CAND1: variants seen among roughly 807,000 people sequenced by gnomAD.
CAND1 encodes the protein cullin associated and neddylation dissociated 1.
A neutral mutation model predicts 108.5 loss-of-function variants in CAND1; 7 were observed. That is an observed-to-expected ratio of 0.06 (90% CI 0.04 to 0.12). The LOEUF is 0.12. Ranked by LOEUF, CAND1 falls within the 10% of genes least tolerant of loss-of-function variation. The pLI is 1.00. For missense variants in CAND1, 941 were observed against 1,448.7 expected, an observed-to-expected ratio of 0.65 and a Z score of 5.69; for synonymous variants, 534 against 512.0, an observed-to-expected ratio of 1.04 and a Z score of -0.58.
At chr12:67,287,816 TATTC>T (rs2044685570) in intron 2 of CAND1, among the ~76,000 whole-genome samples, 2 of 151,720 alleles carry the variant, frequency 1.3e-5, no homozygotes, top group South Asian at 2.1e-4. Context: ...AATTTGGGTA[TATTC>T]ATTATTCAGT....
Position 67,317,423 on chromosome 12 carries a change from T to C in CAND1, c.*4593T>C, listed in dbSNP as rs1328202802. On this transcript the variant is annotated 3_prime_UTR_variant, in exon 15 of 15. Coordinates refer to ENST00000545606, the MANE Select transcript of CAND1 (RefSeq NM_018448.5). ...TGCTGAGATTATTGCAAGTGCCTCC[T>C]TGCCCAGCCACATGTTGTTGATTTC... is the stretch of plus-strand genomic sequence containing the variant. 6.6e-6 allele frequency: 1 copy of C among 152,106 alleles called. No homozygotes were observed. Among genetic ancestry groups the C allele is most frequent in the Non-Finnish European group, 1.5e-5 (1 of 68,072 alleles). The allele number at this position is 152,106 out of a possible 1,614,324, so 9.4% of individuals were successfully genotyped here.
rs2045038379 is a variant in CAND1 at position 67,319,367 on chromosome 12, T to A, written c.*6537T>A. ...TTGCTCAAGGTCAAGTTATGCCTTT[T>A]GCCTGGAATGACTTGACTTCTCTTT... is the stretch of plus-strand genomic sequence containing the variant. On this transcript the variant is annotated 3_prime_UTR_variant, in exon 15 of 15. Transcript: ENST00000545606. 1 of 152,228 alleles carries A rather than the reference T, an allele frequency of 6.6e-6. No homozygotes were observed. Among genetic ancestry groups the A allele is most frequent in the Non-Finnish European group, 1.5e-5 (1 of 68,044 alleles). The allele number at this position is 152,228 out of a possible 1,614,324, so 9.4% of individuals were successfully genotyped here. A position where few individuals can be genotyped will look rare whatever the true frequency, so the allele number is the denominator to read the frequency against.
intron 1 of CAND1, among the ~76,000 whole-genome samples, chr12:67,280,895 C>A (rs775659): frequency 0.81 from 123,178 of 151,782 alleles, 50,361 homozygotes; most frequent in African/African-American, 0.91. Context: ...GGGAGGTGGG[C>A]GATGTCAGGG....
At chr12:67,289,945 T>C (rs2136002690) in intron 2 of CAND1, among the ~76,000 whole-genome samples, 1 of 152,320 alleles carries the variant, frequency 6.6e-6, no homozygotes, top group East Asian at 1.9e-4. Context: ...TGAGCATTTA[T>C]CAAATTAAAT....
At chr12:67,307,908 A>AT (rs1479865995) in intron 11 of CAND1, among the ~76,000 whole-genome samples, 1 of 152,008 alleles carries the variant, frequency 6.6e-6, no homozygotes, top group African/African-American at 2.4e-5. Flanking sequence ...AAGGAGATCT[A>AT]TGGAGATTTC....
Position 67,312,972 on chromosome 12 carries a change from G to A in CAND1, c.*142G>A. On this transcript the variant is annotated 3_prime_UTR_variant, in exon 15 of 15. Transcript: ENST00000545606. ...TTCCTTCATGGAGACTGTTTGTTTG[G>A]CTTTCTTCCATTGTTGTTTTTGTAG... 1 of 529,880 alleles carries A rather than the reference G, an allele frequency of 1.9e-6. No individual in the cohort carries two copies. The highest frequency in any genetic ancestry group is 3.3e-6 in the Non-Finnish European group (1 of 304,576). 32.8% of individuals were successfully genotyped at this position (529,880 alleles called of 1,614,324 possible).
intron 11 of CAND1, among the ~76,000 whole-genome samples, chr12:67,308,179 A>T (rs2044908840): frequency 6.6e-6 from 1 of 152,076 alleles, no homozygotes; most frequent in South Asian, 2.1e-4. Context: ...TAATGGAGAT[A>T]ACCATCAGGG....
At chr12:67,312,462 T>C (rs973362966) in intron 14 of CAND1, 144 bp from the exon 15 acceptor site, 42 of 498,558 alleles carry the variant, frequency 8.4e-5, no homozygotes, top group Non-Finnish European at 1.3e-4. Context: ...TAAAAATAAG[T>C]TTAAAAACAG....
In CAND1 at chr12:67,274,701, C is replaced by G. The variant is rs76890541; in HGVS notation, c.68+4916C>G. 3.7e-3 allele frequency among the ~76,000 whole-genome samples: 559 copies of G among 152,120 alleles called. 2 individuals are homozygous for G. The highest frequency in any genetic ancestry group is 5.8e-3 in the Non-Finnish European group (393 of 67,990). ...ATAGAATCTTCTTAAAATAATTCAC[C>G]CCATTTTGGAATGCAAGTTTTTCCC... On this transcript the variant is annotated intron_variant, in intron 1 of 14. Transcript: ENST00000545606.
At chr12:67,303,498 A>G (rs1241892417) in intron 8 of CAND1, among the ~76,000 whole-genome samples, 2 of 152,248 alleles carry the variant, frequency 1.3e-5, no homozygotes, top group African/African-American at 2.4e-5. Flanking sequence ...GGTATTGCTC[A>G]GTAGAGTTGC....
intron 11 of CAND1, among the ~76,000 whole-genome samples, chr12:67,307,922 A>G (rs2044905531): frequency 6.6e-6 from 1 of 152,026 alleles, no homozygotes; most frequent in African/African-American, 2.4e-5. Flanking sequence ...AGATTTCCAT[A>G]TTTAAGGTCA....
intron 6 of CAND1, among the ~76,000 whole-genome samples, chr12:67,298,581 C>A (rs538339465): frequency 2.6e-5 from 4 of 152,256 alleles, no homozygotes; most frequent in Admixed American, 2.0e-4. Flanking sequence ...AAGACCAAGC[C>A]TAGGTGAATA....
In CAND1 at chr12:67,318,850, T is replaced by G. The variant is rs945639859; in HGVS notation, c.*6020T>G. 3 of 152,110 alleles carry G rather than the reference T, an allele frequency of 2.0e-5. No homozygotes were observed. The highest frequency in any genetic ancestry group is 2.9e-5 in the Non-Finnish European group (2 of 68,034). The allele number at this position is 152,110 out of a possible 1,614,324, so 9.4% of individuals were successfully genotyped here. ...ACACGGGATACTGGGGGTTAATAAT[T>G]GAGGGTATGGTCCATTCAACATGAG... On this transcript the variant is annotated 3_prime_UTR_variant, in exon 15 of 15. Transcript: ENST00000545606.
rs781412589 is a variant in CAND1 at position 67,304,726 on chromosome 12, A to G, written c.1415A>G (p.His472Arg). Residue 472 changes from histidine (H) to arginine (R), a missense_variant, in exon 9 of 15, where the codon CAC (histidine) becomes CGC (arginine). This residue lies in a region of CAND1 where 697 missense variants were observed against 942.0 expected (regional missense o/e 0.74). Coordinates refer to ENST00000545606, the MANE Select transcript of CAND1 (RefSeq NM_018448.5). ...GTATTACCTGGGGCCCTAACTCAAC[A>G]CATTCCTGTACTTGTACCAGGTATG... ...VNVLPGALTQHIPVLVPGIIF... is the reference protein window; with the variant it reads ...VNVLPGALTQRIPVLVPGIIF... 1 of 1,613,570 alleles carries G rather than the reference A, an allele frequency of 6.2e-7. No homozygotes were observed.
chr12:67,312,536 T>C (rs1328548010), intron 14 of CAND1, 70 bp from the exon 15 acceptor site: 11 of 946,914 alleles, frequency 1.2e-5, no homozygotes, highest in East Asian at 2.6e-5. Context: ...GAAGATCTTA[T>C]GTGCTTAAAT....
intron 2 of CAND1, 45 bp from the exon 3 acceptor site, chr12:67,292,577 G>A (rs73320740): frequency 2.1e-6 from 3 of 1,453,096 alleles, no homozygotes; most frequent in Non-Finnish European, 2.8e-6. Flanking sequence ...TCCTGTTTTT[G>A]TGCTTATCTA....
At chr12:67,278,675 C>T (rs548047351) in intron 1 of CAND1, among the ~76,000 whole-genome samples, 58 of 152,008 alleles carry the variant, frequency 3.8e-4, no homozygotes, top group African/African-American at 1.3e-3. Flanking sequence ...TACACCACCA[C>T]ACCCAGCTAA....
At chr12:67,299,698 G>A (rs568975502) in intron 7 of CAND1, among the ~76,000 whole-genome samples, 8 of 152,144 alleles carry the variant, frequency 5.3e-5, no homozygotes, top group African/African-American at 1.9e-4. Context: ...GTAATCACAC[G>A]ATGATTTATG....
At chr12:67,303,760 G>A (rs889664165) in intron 8 of CAND1, among the ~76,000 whole-genome samples, 1 of 152,088 alleles carries the variant, frequency 6.6e-6, no homozygotes, top group Non-Finnish European at 1.5e-5. Context: ...GAAGTTTAGA[G>A]CAGATGTCTT....
Sources: allele counts gnomAD v4.1 joint callset (sites outside exome capture counted in the v4.1 genomes callset), GRCh38; gene constraint gnomAD v4.1.1; regional missense constraint gnomAD v4.1.1; transcripts MANE v1.5; gene names NCBI Gene and HGNC (gene_info 2026-07-23, HGNC 2026-07-21).